Variants in PHLPP1 observed in about 807,000 individuals in gnomAD.
PHLPP1 encodes PH domain leucine-rich repeat-containing protein phosphatase 1.
Under a neutral mutation model 117.2 loss-of-function variants are expected in PHLPP1, and 42 were observed. The ratio of observed to expected loss-of-function variants is 0.36; its 90% CI spans 0.28 to 0.46. PHLPP1 has a LOEUF of 0.46. PHLPP1 is among the 20% of genes least tolerant of loss of function. PHLPP1 has a pLI of 1.00. For missense variants in PHLPP1, 2,084 were observed against 2,241.9 expected (o/e 0.93, Z 1.42); for synonymous variants, 1,042 against 970.7 (o/e 1.07, Z -1.37).
chr18:62,940,548 T>G (rs1910102778), intron 10 of PHLPP1, among the ~76,000 whole-genome samples: 1 of 151,696 alleles, frequency 6.6e-6, no homozygotes, highest in Non-Finnish European at 1.5e-5. Flanking sequence ...GTATGTTTAG[T>G]AGAAACAGGG....
chr18:62,757,783 T>C (rs1912073523), intron 1 of PHLPP1, among the ~76,000 whole-genome samples: 1 of 152,244 alleles, frequency 6.6e-6, no homozygotes, highest in African/African-American at 2.4e-5. Flanking sequence ...GTTTTGCAGC[T>C]CTTTTTGCGG....
At chr18:62,867,738 A>T (rs1915802407) in intron 4 of PHLPP1, among the ~76,000 whole-genome samples, 1 of 152,098 alleles carries the variant, frequency 6.6e-6, no homozygotes, top group South Asian at 2.1e-4. Context: ...ACCCTTTGGT[A>T]TTCTGCCACG....
rs1912385454 is a variant in PHLPP1 at position 62,764,357 on chromosome 18, T to C, written c.1576+47098T>C. ...TTCTGCCTCTTCCTTATTATGGATTTAATTTTCTTGTTGGTTACCAAAATG... is the reference window on the plus strand; with the variant it reads ...TTCTGCCTCTTCCTTATTATGGATTCAATTTTCTTGTTGGTTACCAAAATG... On this transcript the variant is annotated intron_variant, in intron 1 of 16. Transcript: ENST00000262719. 2.0e-5 allele frequency among the ~76,000 whole-genome samples: 3 copies of C among 152,226 alleles called. No homozygotes were observed. In the South Asian group the frequency reaches 6.2e-4, roughly 32 times the overall value.
At chr18:62,826,329 T>C in intron 1 of PHLPP1, 1 of 372,716 alleles carries the variant, frequency 2.7e-6, no homozygotes, top group Non-Finnish European at 5.3e-6. Flanking sequence ...ATGACTTATT[T>C]TATTATTTTA....
At chr18:62,757,431 GA>G (rs1912063486) in intron 1 of PHLPP1, among the ~76,000 whole-genome samples, 1 of 152,164 alleles carries the variant, frequency 6.6e-6, no homozygotes, top group East Asian at 1.9e-4. Flanking sequence ...TTGAGGTTTT[GA>G]AAAAGGTGTG....
intron 1 of PHLPP1, among the ~76,000 whole-genome samples, chr18:62,824,779 G>T (rs958714389): frequency 1.3e-5 from 2 of 152,040 alleles, no homozygotes; most frequent in Non-Finnish European, 2.9e-5. Flanking sequence ...AGGTCTTACT[G>T]TGAAAATAAA....
intron 14 of PHLPP1, among the ~76,000 whole-genome samples, chr18:62,968,357 A>G (rs1211627751): frequency 1.3e-5 from 2 of 152,008 alleles, no homozygotes; most frequent in African/African-American, 4.8e-5. Flanking sequence ...AAAAGAATTC[A>G]CCAGTGAAGC....
chr18:62,861,892 T>C (rs1276110913), intron 4 of PHLPP1, among the ~76,000 whole-genome samples: 1 of 152,224 alleles, frequency 6.6e-6, no homozygotes, highest in Non-Finnish European at 1.5e-5. Context: ...TTTTGAATTC[T>C]TTAACGGTAA....
chr18:62,753,590 A>G (rs1911924057), intron 1 of PHLPP1, among the ~76,000 whole-genome samples: 3 of 152,206 alleles, frequency 2.0e-5, no homozygotes. Flanking sequence ...AGCTGCATTC[A>G]GGTGCTCTAC....
intron 3 of PHLPP1, among the ~76,000 whole-genome samples, chr18:62,857,222 G>A (rs1033502243): frequency 2.9e-4 from 44 of 152,180 alleles, no homozygotes; most frequent in Admixed American, 6.5e-4. Context: ...ATGATCTCAC[G>A]GTATATATTG....
At chr18:62,888,587 G>C (rs527307514) in intron 4 of PHLPP1, among the ~76,000 whole-genome samples, 1 of 152,224 alleles carries the variant, frequency 6.6e-6, no homozygotes, top group South Asian at 2.1e-4. Context: ...TGTGGTCCCA[G>C]CTACTTGCGA....
At chr18:62,800,507 A>G (rs539532610) in intron 1 of PHLPP1, among the ~76,000 whole-genome samples, 6 of 152,064 alleles carry the variant, frequency 3.9e-5, no homozygotes, top group Admixed American at 3.9e-4. Flanking sequence ...TTAGTCATGG[A>G]TAATGCATAC....
At chr18:62,749,232 G>GT (rs752002608) in intron 1 of PHLPP1, among the ~76,000 whole-genome samples, 7 of 147,594 alleles carry the variant, frequency 4.7e-5, no homozygotes, top group Non-Finnish European at 5.9e-5. Flanking sequence ...GTATATATAA[G>GT]GTTTTTTTTT....
intron 1 of PHLPP1, among the ~76,000 whole-genome samples, chr18:62,773,225 T>C (rs899833812): frequency 3.9e-5 from 6 of 152,216 alleles, no homozygotes; most frequent in Admixed American, 3.9e-4. Flanking sequence ...TTAATTTTTT[T>C]CTTTTTAACA....
chr18:62,895,572 CATG>C (rs1916538240), intron 5 of PHLPP1, among the ~76,000 whole-genome samples: 1 of 152,202 alleles, frequency 6.6e-6, no homozygotes, highest in African/African-American at 2.4e-5. Context: ...GAAAACTAGT[CATG>C]ATTTTCATTT....
At chr18:62,783,520 A>G (rs961896773) in intron 1 of PHLPP1, among the ~76,000 whole-genome samples, 11 of 151,754 alleles carry the variant, frequency 7.2e-5, no homozygotes, top group East Asian at 3.9e-4. Context: ...GAGCCACCAC[A>G]CCCAGCCCAC....
intron 3 of PHLPP1, among the ~76,000 whole-genome samples, chr18:62,851,151 C>G (rs111435188): frequency 1.3e-5 from 2 of 152,158 alleles, no homozygotes; most frequent in African/African-American, 4.8e-5. Flanking sequence ...TTGATGGCCC[C>G]GCGCATGCTG....
chr18:62,850,749 G>T (rs1478880302), intron 3 of PHLPP1, among the ~76,000 whole-genome samples: 1 of 152,162 alleles, frequency 6.6e-6, no homozygotes. Context: ...GGTGGCTCAT[G>T]ATTTTGGAAA....
At chr18:62,813,492 G>GC (rs1438615909) in intron 1 of PHLPP1, among the ~76,000 whole-genome samples, 1 of 152,134 alleles carries the variant, frequency 6.6e-6, no homozygotes, top group Non-Finnish European at 1.5e-5. Flanking sequence ...CATCCATTAT[G>GC]CCCCACGTTT....
Sources: allele counts gnomAD v4.1 joint callset (sites outside exome capture counted in the v4.1 genomes callset), GRCh38; gene constraint gnomAD v4.1.1; transcripts MANE v1.5; gene names NCBI Gene and HGNC (gene_info 2026-07-23, HGNC 2026-07-21).